MYO15B: variants seen among roughly 807,000 people sequenced by gnomAD.
The protein encoded by MYO15B is myosin XVB pseudogene.
In MYO15B, 207 loss-of-function variants were observed where a neutral mutation model predicts 119.3. The ratio of observed to expected loss-of-function variants is 1.73; its 90% confidence interval spans 1.55 to 1.95. MYO15B has a LOEUF of 1.95. Among genes scored for constraint, MYO15B ranks in the 30% most tolerant of loss-of-function variants. The probability of loss-of-function intolerance (pLI) is 0.00; values close to 1 mark genes in which losing one functional copy is unlikely to be tolerated. For synonymous variants in MYO15B, 966 were observed against 498.9 expected (o/e 1.94, Z -12.48); for missense variants, 2,264 against 1,203.1 (o/e 1.88, Z -13.04).
At chr17:75,613,325 C>G in exon 28 of MYO15B, 1 of 674,250 alleles carries the variant, frequency 1.5e-6, no homozygotes, top group Non-Finnish European at 2.7e-6. Flanking sequence ...AGGGGCATGG[C>G]AGCGCTGTGC....
chr17:75,603,490 C>A (rs1167703351), intron 19 of MYO15B, among the ~76,000 whole-genome samples, 178 bp downstream of exon 19: 1 of 152,246 alleles, frequency 6.6e-6, no homozygotes, highest in Non-Finnish European at 1.5e-5. Context: ...CTCTCTCCAT[C>A]TCACTCTCTT....
exon 1 of MYO15B, chr17:75,588,470 G>A (rs1043842293): frequency 5.0e-6 from 2 of 398,470 alleles, no homozygotes; most frequent in Non-Finnish European, 8.9e-6. Context: ...TCGGCTCGGC[G>A]GGGCCGCCGG....
At chr17:75,605,001 G>T (rs529948536) in intron 19 of MYO15B, among the ~76,000 whole-genome samples, 1 of 152,068 alleles carries the variant, frequency 6.6e-6, no homozygotes, top group Non-Finnish European at 1.5e-5. Flanking sequence ...GCTGGGCGTG[G>T]TGTTGCATGC....
exon 36 of MYO15B, chr17:75,615,846 C>A: frequency 1.4e-6 from 1 of 701,092 alleles, no homozygotes; most frequent in South Asian, 1.5e-5. Flanking sequence ...CCCGGAGAAG[C>A]CACAGCGTGA....
intron 14 of MYO15B, among the ~76,000 whole-genome samples, chr17:75,600,898 T>C (rs1242717363): frequency 7.1e-6 from 1 of 141,724 alleles, no homozygotes; most frequent in East Asian, 2.0e-4. Context: ...ACCCAGCTAA[T>C]TTTTAATTTT....
intron 9 of MYO15B, among the ~76,000 whole-genome samples, chr17:75,593,334 T>C (rs1274993801): frequency 6.6e-6 from 1 of 151,664 alleles, no homozygotes; most frequent in African/African-American, 2.4e-5. Flanking sequence ...CAAAATCTTG[T>C]CTCTACAAAA....
intron 14 of MYO15B, among the ~76,000 whole-genome samples, chr17:75,599,239 C>G (rs1598749991): frequency 6.6e-6 from 1 of 151,288 alleles, no homozygotes; most frequent in South Asian, 2.1e-4. Context: ...TTTTAACTGA[C>G]TCCTACTATC....
At chr17:75,617,575 T>C (rs62089252) in intron 41 of MYO15B, 163,954 of 568,246 alleles carry the variant, frequency 0.29, 25,001 homozygotes, top group Middle Eastern at 0.34. Flanking sequence ...GTGAGGAAGT[T>C]AGTGGCCCTG....
intron 14 of MYO15B, among the ~76,000 whole-genome samples, chr17:75,599,418 G>A (rs1412583600): frequency 6.6e-6 from 1 of 151,974 alleles, no homozygotes; most frequent in African/African-American, 2.4e-5. Context: ...GGGACTACAG[G>A]CACCCGCCAC....
Position 75,617,076 on chromosome 17 carries a change from TC to T in MYO15B, c.6595-3del. On this transcript the variant is annotated splice_region_variant and splice_polypyrimidine_tract_variant and intron_variant, in intron 40 of 63. Coordinates refer to ENST00000645453, the Ensembl canonical transcript of MYO15B. Reference sequence around the variant, plus strand: ...ACTCAGCCCGTGTACTTTCTCCGTATCCCCCCAGATGCTGTCCCCCAGCCCA... The same window carrying T: ...ACTCAGCCCGTGTACTTTCTCCGTATCCCCCAGATGCTGTCCCCCAGCCCA... 1 of 682,096 alleles carries T rather than the reference TC, an allele frequency of 1.5e-6. No individual in the cohort carries two copies. The highest frequency in any genetic ancestry group is 2.7e-6 in the Non-Finnish European group (1 of 371,018). 42.3% of individuals were successfully genotyped at this position (682,096 alleles called of 1,614,324 possible).
intron 5 of MYO15B, 100 bp downstream of exon 5, chr17:75,591,812 G>T: frequency 1.5e-6 from 1 of 687,378 alleles, no homozygotes; most frequent in South Asian, 1.5e-5. Context: ...TCTCCTTTCA[G>T]CCAGGAGAGG....
chr17:75,597,456 G>T (rs1355452857), intron 14 of MYO15B, among the ~76,000 whole-genome samples: 2 of 152,238 alleles, frequency 1.3e-5, no homozygotes, highest in Non-Finnish European at 2.9e-5. Context: ...GGCTCCACAA[G>T]GGCGGGTGCC....
At chr17:75,613,961 G>A (rs887072117) in intron 29 of MYO15B, 184 bp downstream of exon 29, 41 of 578,920 alleles carry the variant, frequency 7.1e-5, no homozygotes, top group Admixed American at 9.2e-5. Context: ...GAGCTCCCAC[G>A]GCAGATTCTA....
chr17:75,613,099 C>A, exon 27 of MYO15B: 1 of 702,712 alleles, frequency 1.4e-6, no homozygotes, highest in Non-Finnish European at 2.6e-6. Flanking sequence ...AGCTGGTGGC[C>A]CAGCTATGGC....
exon 5 of MYO15B, chr17:75,591,639 C>T (rs578015214): frequency 2.0e-5 from 14 of 702,658 alleles, no homozygotes; most frequent in South Asian, 5.9e-5. Context: ...TCAGGGAAGA[C>T]GGAAGCCGCC....
chr17:75,615,432 G>A, intron 34 of MYO15B, 71 bp from the exon 35 acceptor site: 1 of 675,472 alleles, frequency 1.5e-6, no homozygotes, highest in Middle Eastern at 2.7e-4. Context: ...GGAGTCCCGA[G>A]TGCACAGTGG....
intron 14 of MYO15B, 25 bp downstream of exon 14, chr17:75,596,924 C>G (rs776514340): frequency 4.4e-6 from 3 of 677,660 alleles, no homozygotes; most frequent in Non-Finnish European, 8.0e-6. Flanking sequence ...GGTGACCCCC[C>G]ACCCAGTGTC....
chr17:75,595,561 T>C (rs946918091), intron 12 of MYO15B, among the ~76,000 whole-genome samples: 1 of 152,194 alleles, frequency 6.6e-6, no homozygotes, highest in Admixed American at 6.5e-5. Context: ...AGGACCTACC[T>C]TGTGAGTTTC....
exon 24 of MYO15B, chr17:75,611,640 A>G (rs1301338923): frequency 1.4e-6 from 1 of 702,834 alleles, no homozygotes; most frequent in Non-Finnish European, 2.6e-6. Flanking sequence ...GCTGGCCGTC[A>G]TGCTGAAGAC....
Sources: gnomAD v4.1 joint callset for allele counts (sites outside exome capture counted in the v4.1 genomes callset) on GRCh38, gnomAD v4.1.1 for gene constraint, MANE v1.5 for transcripts, NCBI Gene and HGNC (gene_info 2026-07-23, HGNC 2026-07-21) for gene names.